PDS5B: variants seen among roughly 807,000 people sequenced by gnomAD.
The protein encoded by PDS5B is PDS5 cohesin associated factor B.
A neutral mutation model predicts 184.1 loss-of-function variants in PDS5B; 51 were observed. That is an observed-to-expected ratio of 0.28 (90% confidence interval 0.22 to 0.35). PDS5B has a LOEUF of 0.35. Ranked by LOEUF, PDS5B falls within the 10% of genes least tolerant of loss-of-function variation. PDS5B has a pLI of 1.00. For synonymous variants in PDS5B, 566 were observed against 569.2 expected, an observed-to-expected ratio of 0.99 and a Z score of 0.08; for missense variants, 1,180 against 1,723.3, an observed-to-expected ratio of 0.68 and a Z score of 5.58.
intron 1 of PDS5B, among the ~76,000 whole-genome samples, chr13:32,645,928 T>C (rs2140642068): frequency 6.6e-6 from 1 of 152,240 alleles, no homozygotes; most frequent in East Asian, 1.9e-4. Flanking sequence ...ATAAATGTAA[T>C]CATACTCTTA....
chr13:32,607,715 C>G (rs540213829), intron 1 of PDS5B, among the ~76,000 whole-genome samples: 125 of 152,264 alleles, frequency 8.2e-4, no homozygotes, highest in South Asian at 1.7e-3. Flanking sequence ...CCACCCAGTT[C>G]GAGCTTCCCG....
chr13:32,775,738 A>T lies in PDS5B; in HGVS notation c.*686A>T. 2.3e-6 allele frequency: 1 copy of T among 426,508 alleles called. No homozygotes were observed. The highest frequency in any genetic ancestry group is 4.6e-6 in the Non-Finnish European group (1 of 215,634). 26.4% of individuals were successfully genotyped at this position (426,508 alleles called of 1,614,324 possible). A position where few individuals can be genotyped will look rare whatever the true frequency, so the allele number is the denominator to read the frequency against. On this transcript the variant is annotated 3_prime_UTR_variant, in exon 35 of 35. Transcript: ENST00000315596. Reference sequence around the variant, plus strand: ...TTACACCTCAGTATTGATTTGTCCCAGAATTTTCTGGCCTTTCATGGCAAT... The same window carrying T: ...TTACACCTCAGTATTGATTTGTCCCTGAATTTTCTGGCCTTTCATGGCAAT...
chr13:32,600,497 G>A (rs943371428), intron 1 of PDS5B, among the ~76,000 whole-genome samples: 2 of 152,200 alleles, frequency 1.3e-5, no homozygotes, highest in Non-Finnish European at 2.9e-5. Context: ...CCAGCACTTT[G>A]GATGGCCAAA....
chr13:32,652,626 G>A (rs1950399138), intron 3 of PDS5B: 1 of 150,020 alleles, frequency 6.7e-6, no homozygotes, highest in African/African-American at 2.5e-5. Flanking sequence ...GTGGTACTGT[G>A]CACCTGTAAT....
chr13:32,589,004 G>T (rs548810700), intron 1 of PDS5B, among the ~76,000 whole-genome samples: 53 of 152,316 alleles, frequency 3.5e-4, no homozygotes, highest in African/African-American at 1.1e-3. Flanking sequence ...GACTGCCTTA[G>T]AACTAACAGG....
At chr13:32,624,585 A>T (rs115698304) in intron 1 of PDS5B, among the ~76,000 whole-genome samples, 165 of 152,290 alleles carry the variant, frequency 1.1e-3, no homozygotes, top group African/African-American at 3.9e-3. Flanking sequence ...ATAATATCTG[A>T]ATTCATTGGG....
intron 34 of PDS5B, 100 bp downstream of exon 34, chr13:32,773,424 C>G (rs1954857571): frequency 9.7e-7 from 1 of 1,033,278 alleles, no homozygotes; most frequent in African/African-American, 1.6e-5. Context: ...ATATGTTTTA[C>G]TTCATTAGTT....
chr13:32,758,624 C>T lies in PDS5B; in HGVS notation c.3280C>T (p.Pro1094Ser). Residue 1094 changes from proline (P) to serine (S), a missense_variant, in exon 28 of 35, where the codon CCA (proline) becomes TCA (serine). Transcript: ENST00000315596. ...GGAATCTCCTAAAGACCCGGTACTA[C>T]CAGCTCGTTTCTTCACTCAACCTGA... ...SLESPKDPVL[P>S]ARFFTQPDKN... 1 of 1,613,466 alleles carries T rather than the reference C, an allele frequency of 6.2e-7. No homozygotes were observed. The highest frequency in any genetic ancestry group is 8.5e-7 in the Non-Finnish European group (1 of 1,179,506).
intron 23 of PDS5B, among the ~76,000 whole-genome samples, chr13:32,745,402 T>C (rs1953706663): frequency 6.6e-6 from 1 of 152,214 alleles, no homozygotes; most frequent in Non-Finnish European, 1.5e-5. Flanking sequence ...ATTAAATGAC[T>C]TGAGTGACAC....
At chr13:32,693,767 AACAAT>A (rs1264721683) in intron 13 of PDS5B, among the ~76,000 whole-genome samples, 1 of 151,414 alleles carries the variant, frequency 6.6e-6, no homozygotes, top group East Asian at 1.9e-4. Context: ...TCTGCCTGAG[AACAAT>A]ACAACTATTA....
intron 1 of PDS5B, among the ~76,000 whole-genome samples, chr13:32,641,098 A>G (rs1300138889): frequency 2.6e-5 from 4 of 151,300 alleles, no homozygotes; most frequent in African/African-American, 7.3e-5. Flanking sequence ...GTAATATACT[A>G]TAGTTTATAA....
chr13:32,750,286 A>G (rs1055095057), intron 24 of PDS5B, among the ~76,000 whole-genome samples: 2 of 152,168 alleles, frequency 1.3e-5, no homozygotes, highest in East Asian at 1.9e-4. Context: ...TCAGAGAGGG[A>G]CAAAAACCTG....
chr13:32,610,057 T>C (rs1425338823), intron 1 of PDS5B, among the ~76,000 whole-genome samples: 1 of 152,214 alleles, frequency 6.6e-6, no homozygotes, highest in African/African-American at 2.4e-5. Flanking sequence ...AGTTGGCTTA[T>C]TTAAGAGCAC....
intron 8 of PDS5B, among the ~76,000 whole-genome samples, chr13:32,673,788 T>C (rs1950997195): frequency 6.6e-6 from 1 of 152,144 alleles, no homozygotes; most frequent in Admixed American, 6.5e-5. Flanking sequence ...GTTGAAAGTT[T>C]GTTTGCTTTT....
intron 19 of PDS5B, among the ~76,000 whole-genome samples, chr13:32,723,574 T>G (rs1952794320): frequency 6.6e-6 from 1 of 152,222 alleles, no homozygotes; most frequent in Non-Finnish European, 1.5e-5. Flanking sequence ...TTTCAGTTTG[T>G]TTTCTTTTAA....
At chr13:32,592,883 A>G (rs1209088410) in intron 1 of PDS5B, among the ~76,000 whole-genome samples, 4 of 152,196 alleles carry the variant, frequency 2.6e-5, no homozygotes, top group Admixed American at 2.0e-4. Context: ...ACAAGCAATT[A>G]CCTAATCTTA....
chr13:32,594,278 G>A (rs80219400), intron 1 of PDS5B, among the ~76,000 whole-genome samples: 4 of 144,896 alleles, frequency 2.8e-5, no homozygotes, highest in African/African-American at 1.0e-4. Context: ...CAGGGAGACT[G>A]TGTGGCAAAG....
intron 2 of PDS5B, chr13:32,649,283 C>G (rs1240330535): frequency 6.4e-6 from 1 of 156,632 alleles, no homozygotes; most frequent in Non-Finnish European, 1.4e-5. Context: ...CAAAGTAGGT[C>G]AAAGGGCTTC....
At chr13:32,660,218 G>T (rs1950607650) in intron 6 of PDS5B, among the ~76,000 whole-genome samples, 1 of 152,170 alleles carries the variant, frequency 6.6e-6, no homozygotes, top group Non-Finnish European at 1.5e-5. Context: ...GTGACCACAG[G>T]AGAGAAGGGG....
Sources: allele counts gnomAD v4.1 joint callset (sites outside exome capture counted in the v4.1 genomes callset), GRCh38; gene constraint gnomAD v4.1.1; transcripts MANE v1.5; gene names NCBI Gene and HGNC (gene_info 2026-07-23, HGNC 2026-07-21).